Variants in UACA observed in about 807,000 individuals in gnomAD.
UACA encodes nuclear membrane binding protein.
In UACA, 112 loss-of-function variants were observed where a neutral mutation model predicts 160.5. That is an observed-to-expected ratio of 0.70 (90% CI 0.60 to 0.82). The LOEUF (loss-of-function observed/expected upper bound fraction) is 0.82. Among genes scored for constraint, UACA ranks in the 40% least tolerant of loss-of-function variants. UACA has a pLI of 0.00. For synonymous variants in UACA, 557 were observed against 568.4 expected, an observed-to-expected ratio of 0.98 and a Z score of 0.29; for missense variants, 1,574 against 1,614.6, an observed-to-expected ratio of 0.97 and a Z score of 0.43.
chr15:70,683,833 G>GT (rs1555410763), intron 8 of UACA, among the ~76,000 whole-genome samples: 6 of 150,842 alleles, frequency 4.0e-5, no homozygotes, highest in African/African-American at 7.3e-5. Context: ...GTATGTTCCT[G>GT]TTTTTTTTAA....
chr15:70,719,894 C>G (rs1478421741), intron 1 of UACA, among the ~76,000 whole-genome samples: 1 of 152,174 alleles, frequency 6.6e-6, no homozygotes, highest in Non-Finnish European at 1.5e-5. Context: ...TAAGGACCCA[C>G]AATTGTTATG....
intron 1 of UACA, among the ~76,000 whole-genome samples, chr15:70,721,114 G>A (rs16954733): frequency 6.6e-6 from 1 of 152,064 alleles, no homozygotes; most frequent in African/African-American, 2.4e-5. Flanking sequence ...TGAAACAAAA[G>A]GTTAAAGGGG....
At chr15:70,769,896 C>G in the UACA span, among the ~76,000 whole-genome samples, 7 of 152,304 alleles carry the variant, frequency 4.6e-5, no homozygotes, top group Non-Finnish European at 1.0e-4. Flanking sequence ...ACTCAGGTGG[C>G]TGAGGCAGGA....
In UACA at chr15:70,690,496, C is replaced by T. The variant is rs750381521; in HGVS notation, c.382G>A (p.Glu128Lys). 1.4e-5 allele frequency: 23 copies of T among 1,612,936 alleles called. No individual in the cohort carries two copies. Among genetic ancestry groups the T allele is most frequent in the Non-Finnish European group, 1.9e-5 (22 of 1,179,438 alleles). Residue 128 changes from glutamate to lysine, a missense_variant, in exon 5 of 19, where the codon GAG becomes AAG. Transcript: ENST00000322954. ...GTTCTTCCCTGCAGGTCTGCATGCT[C>T]AGTGGGACAATTGTACTGTTAAAGT... is the stretch of plus-strand genomic sequence containing the variant. ...QKLLQYNCPT[E>K]HADLQGRTAL...
chr15:70,744,173 C>T (rs1327567866), intron 1 of UACA, among the ~76,000 whole-genome samples: 2 of 146,082 alleles, frequency 1.4e-5, no homozygotes, highest in Non-Finnish European at 3.0e-5. Context: ...GGCGTGAACC[C>T]GGGAGGCGGA....
At chr15:70,685,587 C>G (rs546982837) in intron 7 of UACA, among the ~76,000 whole-genome samples, 1 of 152,222 alleles carries the variant, frequency 6.6e-6, no homozygotes, top group South Asian at 2.1e-4. Context: ...GTATTAGAAA[C>G]TAAGGTTATA....
chr15:70,765,667 T>TTGA (rs1267408965), upstream of UACA, among the ~76,000 whole-genome samples: 2 of 152,266 alleles, frequency 1.3e-5, no homozygotes, highest in Non-Finnish European at 2.9e-5. Flanking sequence ...TCTGAATGAA[T>TTGA]TGATGCATTC....
At chr15:70,679,574 TTAAAG>T in intron 10 of UACA, 29 bp downstream of exon 10, 1 of 1,460,986 alleles carries the variant, frequency 6.8e-7, no homozygotes, top group Non-Finnish European at 9.4e-7. Context: ...GGAATTGTTT[TTAAAG>T]GAAGACACCA....
chr15:70,726,392 A>C (rs1045930338), intron 1 of UACA, among the ~76,000 whole-genome samples: 16 of 152,226 alleles, frequency 1.1e-4, no homozygotes, highest in Admixed American at 5.2e-4. Context: ...GTTTAAAAAA[A>C]AATGTAAACA....
intron 1 of UACA, among the ~76,000 whole-genome samples, chr15:70,752,554 C>G (rs992838296): frequency 4.0e-5 from 6 of 151,380 alleles, no homozygotes; most frequent in Non-Finnish European, 7.4e-5. Flanking sequence ...ATCTCTCTCT[C>G]TCTCTAGAGC....
At chr15:70,665,480 C>T (rs951164607) in intron 16 of UACA, among the ~76,000 whole-genome samples, 21 of 152,056 alleles carry the variant, frequency 1.4e-4, no homozygotes, top group African/African-American at 4.8e-4. Flanking sequence ...GTGGCTCACA[C>T]CTATAGTCCC....
chr15:70,678,571 G>A (rs574524666), intron 10 of UACA, among the ~76,000 whole-genome samples: 4 of 152,140 alleles, frequency 2.6e-5, no homozygotes. Context: ...TCCTTTTGTT[G>A]AAATAATCAT....
rs149316568 is a variant in UACA at position 70,668,813 on chromosome 15, G to A, written c.1871C>T (p.Ala624Val). ...GQAKELSAKL[A>V]LSIPAEKFEN... Reference sequence around the variant, plus strand: ...AAATTTTTCAGCTGGAATGGAAAGGGCCAACTTCGCTGACAATTCTTTTGC... The same window carrying A: ...AAATTTTTCAGCTGGAATGGAAAGGACCAACTTCGCTGACAATTCTTTTGC... The change falls in exon 16 of 19, where the codon GCC (alanine) becomes GTC (valine). Residue 624 changes from alanine (A) to valine (V), a missense_variant. Ala to Val is a moderately conservative substitution (Grantham distance 64). Coordinates refer to ENST00000322954, the MANE Select transcript of UACA (RefSeq NM_018003.4). 110 of 1,613,816 alleles carry A rather than the reference G, an allele frequency of 6.8e-5. No individual in the cohort carries two copies. In the African/African-American group the frequency reaches 1.2e-3, roughly 18 times the overall value.
intron 1 of UACA, among the ~76,000 whole-genome samples, chr15:70,737,011 A>T (rs1445308107): frequency 6.6e-6 from 1 of 152,232 alleles, no homozygotes; most frequent in South Asian, 2.1e-4. Flanking sequence ...TATAAAAGGT[A>T]TGAGGGTGTC....
chr15:70,667,655 G>C lies in UACA; in HGVS notation c.3029C>G (p.Ser1010Ter). 1 of 1,613,224 alleles carries C rather than the reference G, an allele frequency of 6.2e-7. No individual in the cohort carries two copies. The highest frequency in any genetic ancestry group is 8.5e-7 in the Non-Finnish European group (1 of 1,179,962). ...GACACTATACTTTTGTGTCTGCTCT[G>C]ATAACTGGTCTTTTAGTTCTTTCTC... ...ATEKELKDQL[S>*]EQTQKYSVSE... The change falls in exon 16 of 19, where the codon TCA (serine) becomes TGA (stop). Residue 1010 changes from serine to a stop codon, truncating the protein, a stop_gained. Coordinates refer to ENST00000322954, the MANE Select transcript of UACA (RefSeq NM_018003.4). LOFTEE classifies it high-confidence loss of function.
At chr15:70,769,940 T>C in the UACA span, among the ~76,000 whole-genome samples, 6 of 152,310 alleles carry the variant, frequency 3.9e-5, no homozygotes, top group Non-Finnish European at 8.8e-5. Context: ...GAGGTTGCCA[T>C]GAGCAGAGAT....
At chr15:70,702,850 AAATAG>A (rs1482525099) in intron 1 of UACA, among the ~76,000 whole-genome samples, 1 of 152,222 alleles carries the variant, frequency 6.6e-6, no homozygotes, top group African/African-American at 2.4e-5. Flanking sequence ...CCAAAACATT[AAATAG>A]AATACATAGT....
Position 70,664,916 on chromosome 15 carries a change from T to G in UACA, c.3961-102A>C, listed in dbSNP as rs985106164. 201 of 1,064,328 alleles carry G rather than the reference T, an allele frequency of 1.9e-4. 1 individual carries two copies. The highest frequency in any genetic ancestry group is 2.5e-4 in the Non-Finnish European group (194 of 765,376). The allele number at this position is 1,064,328 out of a possible 1,614,324, so 65.9% of individuals were successfully genotyped here. ...CTTTTTGGAGACAGAAGCTTTATCT[T>G]TATACACCAGAAAATTGAGGTATGA... On this transcript the variant is annotated intron_variant, in intron 16 of 18. Transcript: ENST00000322954.
chr15:70,720,705 G>A (rs7163067), intron 1 of UACA, among the ~76,000 whole-genome samples: 3,255 of 152,232 alleles, frequency 0.021, 112 homozygotes, highest in African/African-American at 0.073. Flanking sequence ...TTTGTATGCC[G>A]AAGCAAAGTA....
Sources: allele counts gnomAD v4.1 joint callset (sites outside exome capture counted in the v4.1 genomes callset), GRCh38; gene constraint gnomAD v4.1.1; transcripts MANE v1.5; gene names NCBI Gene and HGNC (gene_info 2026-07-23, HGNC 2026-07-21).